The following CAPN10 variants were observed in gnomAD, a reference collection of about 807,000 sequenced individuals.
CAPN10 encodes calpain-10.
CAPN10 carries 71 observed loss-of-function variants against 78.4 expected under a neutral mutation model. The ratio of observed to expected loss-of-function variants is 0.91; its 90% CI spans 0.75 to 1.10. CAPN10 has a LOEUF of 1.10. Among genes scored for constraint, CAPN10 ranks in the 50% least tolerant of loss-of-function variants. CAPN10 has a pLI of 0.00. For synonymous variants in CAPN10, 437 were observed against 407.2 expected, an observed-to-expected ratio of 1.07 and a Z score of -0.88; for missense variants, 849 against 924.6, an observed-to-expected ratio of 0.92 and a Z score of 1.06.
chr2:240,596,430 G>T lies in CAPN10; in HGVS notation c.1390G>T (p.Gly464Cys). 1 of 1,613,738 alleles carries T rather than the reference G, an allele frequency of 6.2e-7. No individual in the cohort carries two copies. Among genetic ancestry groups the T allele is most frequent in the Non-Finnish European group, 8.5e-7 (1 of 1,179,960 alleles). ...CCACCTGCGTTGTGAGCTCTCACCGGGCTACTACCTGGCTGTCCCCAGCAC... is the reference window on the plus strand; with the variant it reads ...CCACCTGCGTTGTGAGCTCTCACCGTGCTACTACCTGGCTGTCCCCAGCAC... ...EVHLRCELSP[G>C]YYLAVPSTFL... The change falls in exon 8 of 12, where the codon GGC becomes TGC. Residue 464 changes from glycine (G) to cysteine (C), a missense_variant. Physicochemically the swap from Gly to Cys is radical, Grantham distance 159. Transcript: ENST00000391984.
chr2:240,598,478 G>A, intron 11 of CAPN10, 81 bp downstream of exon 11: 7 of 1,540,422 alleles, frequency 4.5e-6, no homozygotes, highest in Non-Finnish European at 6.3e-6. Flanking sequence ...CCTCAGGCAG[G>A]TGGTTTCTGC....
In CAPN10 at chr2:240,595,065, G is replaced by C. The variant is rs2093127982; in HGVS notation, c.1039G>C (p.Val347Leu). Residue 347 changes from valine (V) to leucine (L), a missense_variant, in exon 7 of 12, where the codon GTC (valine) becomes CTC (leucine). Physicochemically the swap from Val to Leu is conservative, Grantham distance 32 (BLOSUM62 1). Transcript: ENST00000391984. ...CHTRALPGAW[V>L]KGQSAGGCRN... The stretch of plus-strand genomic sequence containing the variant: ...TACGCGGGCGCTGCCTGGGGCCTGG[G>C]TCAAGGGCCAGTCAGCAGGAGGCTG... 2 of 1,613,410 alleles carry C rather than the reference G, an allele frequency of 1.2e-6. No individual in the cohort carries two copies. Among genetic ancestry groups the C allele is most frequent in the African/African-American group, 2.7e-5 (2 of 74,932 alleles).
intron 3 of CAPN10, 196 bp downstream of exon 3, chr2:240,591,207 C>T (rs2093099899): frequency 3.5e-6 from 2 of 578,204 alleles, no homozygotes; most frequent in Admixed American, 6.2e-5. Flanking sequence ...GGATTGCCCA[C>T]TCCCTGCTTT....
intron 7 of CAPN10, 36 bp from the exon 8 acceptor site, chr2:240,596,283 G>GCTCCTCA (rs756285083): frequency 5.7e-6 from 9 of 1,568,690 alleles, no homozygotes; most frequent in Non-Finnish European, 6.9e-6. Context: ...GACCCCGGCC[G>GCTCCTCA]CTCCTCCACA....
Position 240,595,244 on chromosome 2 carries a change from G to A in CAPN10, c.1218G>A (p.Ser406=), listed in dbSNP as rs1263796505. 1.7e-5 allele frequency: 27 copies of A among 1,613,470 alleles called. No individual in the cohort carries two copies. The highest frequency in any genetic ancestry group is 3.3e-4 in the Middle Eastern group (2 of 6,082). ...CACTGGTGGGTGACAGTCATACTTC[G>A]TGGAGCCCAGCGAGCATCCCGGGCA... The part of the protein sequence containing the change: ...ARALVGDSHT[S]WSPASIPGKH... The change falls in exon 7 of 12, where the codon TCG becomes TCA. Residue 406 remains serine, a synonymous_variant. Coordinates refer to ENST00000391984, the MANE Select transcript of CAPN10 (RefSeq NM_023083.4).
chr2:240,596,696 G>A lies in CAPN10; in HGVS notation c.1497G>A (p.Val499=), dbSNP rs1211060609. 1.3e-6 allele frequency: 2 copies of A among 1,556,182 alleles called. No individual in the cohort carries two copies. The highest frequency in any genetic ancestry group is 1.7e-6 in the Non-Finnish European group (2 of 1,150,672). Reference sequence around the variant, plus strand: ...TTCTTGGCAGCGCCATCAGGGCAGTGGCCAAGAACACCACCCCCGGGGCAG... The same window carrying A: ...TTCTTGGCAGCGCCATCAGGGCAGTAGCCAAGAACACCACCCCCGGGGCAG... ...GRVSLSAIRA[V]AKNTTPGAAL... The change falls in exon 9 of 12, where the codon GTG becomes GTA. Residue 499 remains valine (V), a synonymous_variant. Coordinates refer to ENST00000391984, the MANE Select transcript of CAPN10 (RefSeq NM_023083.4).
In CAPN10 at chr2:240,589,536, G is replaced by A. The variant is rs559918880; in HGVS notation, c.273+62G>A. 3.9e-6 allele frequency: 6 copies of A among 1,546,448 alleles called. No homozygotes were observed. In the East Asian group the frequency reaches 6.7e-5, roughly 17 times the overall value. On this transcript the variant is annotated intron_variant, in intron 2 of 11. Transcript: ENST00000391984. Reference sequence around the variant, plus strand: ...GTTTCTTTTTGCGTTTCTCCAGCCTGCTGAGTACCAGGAGGCCTTGCGAAA... The same window carrying A: ...GTTTCTTTTTGCGTTTCTCCAGCCTACTGAGTACCAGGAGGCCTTGCGAAA...
chr2:240,592,024 A>C lies in CAPN10; in HGVS notation c.562A>C (p.Lys188Gln). The C allele has an allele frequency of 6.2e-7, 1 of 1,613,224 alleles. No homozygotes were observed. The highest frequency in any genetic ancestry group is 1.1e-5 in the South Asian group (1 of 90,982). ...TGGLAERWNL[K>Q]GVAGSGGQQD... Reference sequence around the variant, plus strand: ...CGGCCTGGCAGAAAGATGGAACCTGAAGGGCGTAGCAGGAAGCGGAGGCCA... The same window carrying C: ...CGGCCTGGCAGAAAGATGGAACCTGCAGGGCGTAGCAGGAAGCGGAGGCCA... Residue 188 changes from lysine (K) to glutamine (Q), a missense_variant, in exon 4 of 12, where the codon AAG becomes CAG. Coordinates refer to ENST00000391984, the MANE Select transcript of CAPN10 (RefSeq NM_023083.4).
chr2:240,596,901 A>G lies in CAPN10; in HGVS notation c.1702A>G (p.Ser568Gly). The G allele has an allele frequency of 6.2e-7, 1 of 1,613,364 alleles. No individual in the cohort carries two copies. The change falls in exon 9 of 12, where the codon AGT becomes GGT. Residue 568 changes from serine (S) to glycine (G), a missense_variant. Ser to Gly is a moderately conservative substitution (Grantham distance 56). Coordinates refer to ENST00000391984, the MANE Select transcript of CAPN10 (RefSeq NM_023083.4). ...RITLHQHCRP[S>G]DTEFHPIGFH... The stretch of plus-strand genomic sequence containing the variant: ...CACTCTGCATCAGCACTGCCGGCCC[A>G]GTGACACCGAGTTCCACCCCATCGG...
rs1246062946 is a variant in CAPN10, at chr2:240,590,870, C to T, written c.329C>T (p.Thr110Ile). The T allele has an allele frequency of 6.2e-7, 1 of 1,614,252 alleles. No homozygotes were observed. Among genetic ancestry groups the T allele is most frequent in the Non-Finnish European group, 8.5e-7 (1 of 1,180,054 alleles). The change falls in exon 3 of 12, where the codon ACC (threonine) becomes ATC (isoleucine). Residue 110 changes from threonine to isoleucine, a missense_variant. Thr to Ile is a moderately conservative substitution (Grantham distance 89, BLOSUM62 -1). Coordinates refer to ENST00000391984, the MANE Select transcript of CAPN10 (RefSeq NM_023083.4). ...WADQEYRGSF[T>I]CRIWQFGRWV... ...GACCAGGAGTACCGGGGCTCCTTCACCTGTCGCATTTGGCAGTTTGGACGC... is the reference window on the plus strand; with the variant it reads ...GACCAGGAGTACCGGGGCTCCTTCATCTGTCGCATTTGGCAGTTTGGACGC...
rs139512421 is a variant in CAPN10 at position 240,597,932 on chromosome 2, G to A, written c.1788G>A (p.Leu596=). Residue 596 remains leucine, a synonymous_variant, in exon 10 of 12, where the codon CTG becomes CTA. Coordinates refer to ENST00000391984, the MANE Select transcript of CAPN10 (RefSeq NM_023083.4). The part of the protein sequence containing the change: ...GRSQDAPPLL[L]QEPLLSCVPH... ...GCCAGGACGCACCCCCACTGCTGCT[G>A]CAGGAGCCGCTGCTGAGCTGCGTGC... 1.8e-4 allele frequency: 284 copies of A among 1,612,170 alleles called. No homozygotes were observed. The highest frequency in any genetic ancestry group is 1.3e-3 in the Middle Eastern group (8 of 5,942).
chr2:240,591,947 A>T lies in CAPN10; in HGVS notation c.485A>T (p.Tyr162Phe). Reference sequence around the variant, plus strand: ...GTGTCCCCTAGGGTCCATGGGTCCTACGAGCACCTGTGGGCCGGGCAGGTG... The same window carrying T: ...GTGTCCCCTAGGGTCCATGGGTCCTTCGAGCACCTGTGGGCCGGGCAGGTG... ...EKVYAKVHGSYEHLWAGQVAD... is the reference protein window; with the variant it reads ...EKVYAKVHGSFEHLWAGQVAD... The change falls in exon 4 of 12, where the codon TAC becomes TTC. Residue 162 changes from tyrosine to phenylalanine, a missense_variant. Coordinates refer to ENST00000391984, the MANE Select transcript of CAPN10 (RefSeq NM_023083.4). 1 of 1,613,224 alleles carries T rather than the reference A, an allele frequency of 6.2e-7. No individual in the cohort carries two copies. Among genetic ancestry groups the T allele is most frequent in the Non-Finnish European group, 8.5e-7 (1 of 1,179,900 alleles).
Position 240,589,362 on chromosome 2 carries a change from G to C in CAPN10, c.161G>C (p.Arg54Pro). The C allele has an allele frequency of 6.2e-7, 1 of 1,614,116 alleles. No individual in the cohort carries two copies. The highest frequency in any genetic ancestry group is 8.5e-7 in the Non-Finnish European group (1 of 1,180,028). ...TCTCAGGAGATTTGTGCCACACCCC[G>C]GCTGTTTCCAGATGACCCACGGGAA... ...RRPQEICATP[R>P]LFPDDPREGQ... Residue 54 changes from arginine (R) to proline (P), a missense_variant, in exon 2 of 12, where the codon CGG becomes CCG. Coordinates refer to ENST00000391984, the MANE Select transcript of CAPN10 (RefSeq NM_023083.4).
chr2:240,595,009 G>A lies in CAPN10; in HGVS notation c.998-15G>A, dbSNP rs189815101. ...AGCCGTGTCCCACAGCTGATGCCTG[G>A]TGTTTTCTCACTAGAGAGGCTGCTC... is the stretch of plus-strand genomic sequence containing the variant. On this transcript the variant is annotated splice_polypyrimidine_tract_variant and intron_variant, in intron 6 of 11. Transcript: ENST00000391984. 9.0e-4 allele frequency: 1,443 copies of A among 1,612,188 alleles called. 19 individuals are homozygous for A. Among genetic ancestry groups the A allele is most frequent in the Admixed American group, 9.7e-4 (58 of 60,018 alleles).
At chr2:240,593,319 G>A (rs1352361824) in intron 4 of CAPN10, among the ~76,000 whole-genome samples, 1 of 152,266 alleles carries the variant, frequency 6.6e-6, no homozygotes, top group Non-Finnish European at 1.5e-5. Context: ...GGGCGAGACT[G>A]AAGTCCTTCC....
Position 240,589,452 on chromosome 2 carries a change from A to G in CAPN10, c.251A>G (p.Lys84Arg), listed in dbSNP as rs1559423128. The stretch of plus-strand genomic sequence containing the variant: ...CTGTGTGCCTGCGCCGCGCTGCAGA[A>G]GAGCAGGCACCTCCTGGACCAGGTG... Reference protein sequence around the residue: ...WFLCACAALQKSRHLLDQVIP... With the variant: ...WFLCACAALQRSRHLLDQVIP... The change falls in exon 2 of 12, where the codon AAG becomes AGG. Residue 84 changes from lysine to arginine, a missense_variant. Physicochemically the swap from Lys to Arg is conservative, Grantham distance 26 (BLOSUM62 2). Coordinates refer to ENST00000391984, the MANE Select transcript of CAPN10 (RefSeq NM_023083.4). 1 of 1,613,644 alleles carries G rather than the reference A, an allele frequency of 6.2e-7. No individual in the cohort carries two copies. The highest frequency in any genetic ancestry group is 8.5e-7 in the Non-Finnish European group (1 of 1,179,934).
In CAPN10 at chr2:240,598,391, C is replaced by T. The variant is rs2093151166; in HGVS notation, c.1983C>T (p.Leu661=). Residue 661 remains leucine (L), a synonymous_variant, in exon 11 of 12, where the codon CTC becomes CTT. Coordinates refer to ENST00000391984, the MANE Select transcript of CAPN10 (RefSeq NM_023083.4). ...GCCAGGAGATGCTGGGCCAGTTCCT[C>T]CAAGAGGTGTGTATGCAGCCCCGCC... ...IHSQEMLGQF[L]QEVSIMAVMK... 1 of 1,613,760 alleles carries T rather than the reference C, an allele frequency of 6.2e-7. No individual in the cohort carries two copies. Among genetic ancestry groups the T allele is most frequent in the Non-Finnish European group, 8.5e-7 (1 of 1,179,968 alleles).
intron 5 of CAPN10, 155 bp downstream of exon 5, chr2:240,594,202 C>A: frequency 1.2e-6 from 1 of 833,416 alleles, no homozygotes; most frequent in Non-Finnish European, 1.8e-6. Flanking sequence ...CTTGTCTTGG[C>A]TCCAGGCAAT....
In CAPN10 at chr2:240,587,052, G is replaced by A. The variant is rs1346835552; in HGVS notation, c.141G>A (p.Gln47=). 9.8e-6 allele frequency: 14 copies of A among 1,422,076 alleles called. No individual in the cohort carries two copies. Among genetic ancestry groups the A allele is most frequent in the African/African-American group, 4.5e-5 (3 of 66,718 alleles). The allele number at this position is 1,422,076 out of a possible 1,614,324, so 88.1% of individuals were successfully genotyped here. ...FREDITWRRP[Q]EICATPRLFP... ...AGGACATCACGTGGAGGCGGCCCCA[G>A]GTGGGGCCGTGTGGGGTGCGGTGGG... Residue 47 remains glutamine, a splice_region_variant and synonymous_variant, in exon 1 of 12, where the codon CAG becomes CAA. Coordinates refer to ENST00000391984, the MANE Select transcript of CAPN10 (RefSeq NM_023083.4).
Sources: allele counts gnomAD v4.1 joint callset (sites outside exome capture counted in the v4.1 genomes callset), GRCh38; gene constraint gnomAD v4.1.1; transcripts MANE v1.5; gene names NCBI Gene and HGNC (gene_info 2026-07-23, HGNC 2026-07-21).